USP9X: variants seen among roughly 807,000 people sequenced by gnomAD.
The protein encoded by USP9X is ubiquitin carboxyl-terminal hydrolase 9X.
A neutral mutation model predicts 190.3 loss-of-function variants in USP9X; 7 were observed. That is an observed-to-expected ratio of 0.04 (90% CI 0.02 to 0.07). USP9X has a LOEUF of 0.07. USP9X is among the 10% of genes least tolerant of loss of function. The pLI is 1.00. For missense variants in USP9X, 1,010 were observed against 1,916.9 expected (o/e 0.53, Z 8.83); for synonymous variants, 645 against 659.5 (o/e 0.98, Z 0.34).
intron 24 of USP9X, 74 bp from the exon 25 acceptor site, chrX:41,187,918 G>A: frequency 1.0e-6 from 1 of 1,000,886 alleles, no homozygotes; most frequent in Non-Finnish European, 1.3e-6. Flanking sequence ...TTTACAAAGT[G>A]AAACATTTTT....
rs143385241 is a variant in USP9X, at chrX:41,116,624, A to T, written c.-158-6847A>T. 3.5e-3 allele frequency among the ~76,000 whole-genome samples: 397 copies of T among 112,521 alleles called. 1 individual carries two copies. Among genetic ancestry groups the T allele is most frequent in the African/African-American group, 0.012 (376 of 30,987 alleles). On this transcript the variant is annotated intron_variant, in intron 1 of 44. Transcript: ENST00000378308. Reference sequence around the variant, plus strand: ...TCCCACTCAAACCTTTCCAAATTATATCTGAAGGCAATATTTTCAGATTCA... The same window carrying T: ...TCCCACTCAAACCTTTCCAAATTATTTCTGAAGGCAATATTTTCAGATTCA...
At chrX:41,114,225 C>T (rs181341013) in intron 1 of USP9X, among the ~76,000 whole-genome samples, 3,926 of 111,288 alleles carry the variant, frequency 0.035, 159 homozygotes, top group African/African-American at 0.12. Context: ...CATGAAGTGT[C>T]ACTAGTGGTG....
At chrX:41,200,726 A>T (rs760933057) in intron 30 of USP9X, among the ~76,000 whole-genome samples, 34 of 112,585 alleles carry the variant, frequency 3.0e-4, no homozygotes, top group African/African-American at 1.1e-3. Flanking sequence ...AAATATTAAG[A>T]AAGTGAATAA....
At chrX:41,203,441 AC>A (rs986466830) in intron 31 of USP9X, among the ~76,000 whole-genome samples, 3 of 112,446 alleles carry the variant, frequency 2.7e-5, no homozygotes, top group Non-Finnish European at 5.6e-5. Flanking sequence ...GTGAAATCAT[AC>A]AGTGTTTGCC....
chrX:41,228,813 C>T (rs2147275265), intron 41 of USP9X, among the ~76,000 whole-genome samples: 1 of 112,157 alleles, frequency 8.9e-6, no homozygotes, highest in African/African-American at 3.2e-5. Flanking sequence ...AATTTTCTCA[C>T]CTGTTAAAAG....
chrX:41,086,636 A>G (rs2061914424), intron 1 of USP9X, among the ~76,000 whole-genome samples: 1 of 110,307 alleles, frequency 9.1e-6, no homozygotes, highest in Non-Finnish European at 1.9e-5. Flanking sequence ...GCCTCCCCCC[A>G]CCCTCCCGCG....
rs368898413 is a variant in USP9X at position 41,198,586 on chromosome X, A to G, written c.4439A>G (p.Asn1480Ser). ...ASNVYLQYMR[N>S]GELPAEQAIP... ...AATGTTTACCTACAGTATATGAGAA[A>G]TGGAGAGCTTCCAGCTGAACAGGCT... The change falls in exon 30 of 45, where the codon AAT becomes AGT. Residue 1480 changes from asparagine to serine, a missense_variant. Transcript: ENST00000378308. 20 of 1,210,126 alleles carry G rather than the reference A, an allele frequency of 1.7e-5. No homozygotes were observed. Among genetic ancestry groups the G allele is most frequent in the Non-Finnish European group, 2.2e-5 (20 of 895,193 alleles).
intron 31 of USP9X, among the ~76,000 whole-genome samples, chrX:41,203,505 G>T (rs939779259): frequency 8.1e-5 from 9 of 111,717 alleles, no homozygotes; most frequent in African/African-American, 2.9e-4. Context: ...TCCATTATAT[G>T]TATATACCAC....
chrX:41,193,815 AC>A (rs2062958802), intron 26 of USP9X, among the ~76,000 whole-genome samples: 1 of 111,597 alleles, frequency 9.0e-6, no homozygotes, highest in African/African-American at 3.3e-5. Flanking sequence ...ACAGAGGGAA[AC>A]CCTGTCTAAA....
At chrX:41,168,566 G>A (rs773383116) in intron 18 of USP9X, among the ~76,000 whole-genome samples, 39 of 112,524 alleles carry the variant, frequency 3.5e-4, no homozygotes, top group Non-Finnish European at 6.0e-4. Context: ...GAATGCCGAG[G>A]TGTAATCATG....
chrX:41,109,575 A>T (rs763887394), intron 1 of USP9X, among the ~76,000 whole-genome samples: 52 of 112,554 alleles, frequency 4.6e-4, no homozygotes, highest in Non-Finnish European at 6.9e-4. Flanking sequence ...GGATGTACAC[A>T]GTAATTTAGT....
At chrX:41,129,204 C>T in intron 3 of USP9X, 59 bp downstream of exon 3, 3 of 1,096,219 alleles carry the variant, frequency 2.7e-6, no homozygotes, top group Non-Finnish European at 1.2e-6. Context: ...CCCACTGCCT[C>T]CTTAATAGTC....
At chrX:41,086,216 C>T in intron 1 of USP9X, 107 bp downstream of exon 1, 2 of 288,531 alleles carry the variant, frequency 6.9e-6, no homozygotes, top group Non-Finnish European at 1.2e-5. Flanking sequence ...AGCCTCTTCC[C>T]TCGGCGGCTG....
At chrX:41,125,110 C>A (rs1042099865) in intron 2 of USP9X, among the ~76,000 whole-genome samples, 9 of 111,285 alleles carry the variant, frequency 8.1e-5, no homozygotes, top group African/African-American at 3.0e-4. Flanking sequence ...GGGTCTTGCT[C>A]TTTTGCCCAG....
intron 11 of USP9X, among the ~76,000 whole-genome samples, chrX:41,147,860 C>T (rs1054973673): frequency 8.9e-6 from 1 of 112,179 alleles, no homozygotes; most frequent in Non-Finnish European, 1.9e-5. Flanking sequence ...CAGAACACCA[C>T]AGACTGGGTA....
chrX:41,157,342 TAGC>T (rs1192503594), intron 14 of USP9X, among the ~76,000 whole-genome samples: 5 of 110,957 alleles, frequency 4.5e-5, no homozygotes, highest in African/African-American at 1.6e-4. Context: ...AGTGGTGTGA[TAGC>T]AGCCTCCAAG....
chrX:41,131,508 A>G lies in USP9X; in HGVS notation c.294A>G (p.Leu98=). ...CGAAAGGGGAATTAGAAGTGCTTTT[A>G]GAAGCTGCTATTGATCTTAGTAAAA... ...VLPKGELEVL[L]EAAIDLSKKG... Residue 98 remains leucine, a synonymous_variant, in exon 4 of 45, where the codon TTA becomes TTG. Transcript: ENST00000378308. 8.3e-7 allele frequency: 1 copy of G among 1,209,206 alleles called. No individual in the cohort carries two copies. The highest frequency in any genetic ancestry group is 1.1e-6 in the Non-Finnish European group (1 of 894,053).
At chrX:41,226,428 A>G (rs2063313391) in intron 41 of USP9X, among the ~76,000 whole-genome samples, 1 of 112,087 alleles carries the variant, frequency 8.9e-6, no homozygotes, top group African/African-American at 3.2e-5. Context: ...AAGATAGTAT[A>G]ATAGTTTGTT....
Position 41,216,596 on chromosome X carries a change from T to A in USP9X, c.6029T>A (p.Phe2010Tyr). ...CGAATGCAGTACAGTATGGAGTATTTTCAGTTTATGAAAAAACTGCTTACA... is the reference window on the plus strand; with the variant it reads ...CGAATGCAGTACAGTATGGAGTATTATCAGTTTATGAAAAAACTGCTTACA... ...HNRMQYSMEY[F>Y]QFMKKLLTCN... Residue 2010 changes from phenylalanine to tyrosine, a missense_variant, in exon 35 of 45, where the codon TTT (phenylalanine) becomes TAT (tyrosine). Physicochemically the swap from Phe to Tyr is conservative, Grantham distance 22 (BLOSUM62 3). This residue lies in a region of USP9X where 121 missense variants were observed against 281.2 expected (regional missense o/e 0.43). Transcript: ENST00000378308. The A allele has an allele frequency of 8.3e-7, 1 of 1,211,008 alleles. No homozygotes were observed. The highest frequency in any genetic ancestry group is 1.1e-6 in the Non-Finnish European group (1 of 895,100).
Sources: allele counts gnomAD v4.1 joint callset (sites outside exome capture counted in the v4.1 genomes callset), GRCh38; gene constraint gnomAD v4.1.1; regional missense constraint gnomAD v4.1.1; transcripts MANE v1.5; gene names NCBI Gene and HGNC (gene_info 2026-07-23, HGNC 2026-07-21).